The following GRM7 variants were observed in gnomAD, a reference collection of about 807,000 sequenced individuals.
GRM7 encodes the protein glutamate metabotropic receptor 7, also known as metabotropic glutamate receptor 7.
In GRM7, 35 loss-of-function variants were observed where a neutral mutation model predicts 84.5. That is an observed-to-expected ratio of 0.41 (90% CI 0.32 to 0.55). The LOEUF is 0.55. Among genes scored for constraint, GRM7 ranks in the 20% least tolerant of loss-of-function variants. GRM7 has a pLI of 0.19. For synonymous variants in GRM7, 487 were observed against 455.1 expected, an observed-to-expected ratio of 1.07 and a Z score of -0.89; for missense variants, 1,003 against 1,194.6, an observed-to-expected ratio of 0.84 and a Z score of 2.36.
In GRM7 at chr3:7,649,232, G is replaced by A. The variant is rs377005173; in HGVS notation, c.2452-30817G>A. Among the ~76,000 whole-genome samples the A allele has an allele frequency of 3.7e-4, 57 of 152,076 alleles. No homozygotes were observed. The East Asian group carries it at 0.01, about 28-fold the overall frequency. On this transcript the variant is annotated intron_variant, in intron 8 of 9. Coordinates refer to ENST00000357716, the MANE Select transcript of GRM7 (RefSeq NM_000844.4). ...CTACAGGCACCCACTACCACGCCCGGCTAATTTTATGTATTTTTAGTAGAG... is the reference window on the plus strand; with the variant it reads ...CTACAGGCACCCACTACCACGCCCGACTAATTTTATGTATTTTTAGTAGAG...
intron 1 of GRM7, among the ~76,000 whole-genome samples, chr3:6,937,628 G>C (rs1183273725): frequency 6.6e-6 from 1 of 152,208 alleles, no homozygotes; most frequent in African/African-American, 2.4e-5. Context: ...CACTCTTCCT[G>C]AAAGTGGTCA....
At position 7,533,296 on chromosome 3, in the gene GRM7, C is replaced by G. The variant is rs577506872; in HGVS notation, c.1516-45126C>G. ...AAGAACAGAAATCATCACAAACATT[C>G]TCTCAGACCACAGTGCAATCAAATT... On this transcript the variant is annotated intron_variant, in intron 7 of 9. Transcript: ENST00000357716. 3.9e-5 allele frequency among the ~76,000 whole-genome samples: 6 copies of G among 152,314 alleles called. No individual in the cohort carries two copies. In the South Asian group the frequency reaches 1.0e-3, roughly 26 times the overall value.
intron 2 of GRM7, among the ~76,000 whole-genome samples, chr3:7,157,530 C>T (rs2125075704): frequency 6.6e-6 from 1 of 151,406 alleles, no homozygotes; most frequent in African/African-American, 2.4e-5. Context: ...TAACTAGATC[C>T]TCAAAAGAAA....
intron 5 of GRM7, among the ~76,000 whole-genome samples, chr3:7,419,929 T>C (rs1332195866): frequency 1.3e-5 from 2 of 152,206 alleles, no homozygotes; most frequent in Non-Finnish European, 2.9e-5. Context: ...TTTTGATTTG[T>C]GTCCCTAATC....
At chr3:7,675,502 A>G (rs993149375) in intron 8 of GRM7, among the ~76,000 whole-genome samples, 1 of 152,236 alleles carries the variant, frequency 6.6e-6, no homozygotes, top group African/African-American at 2.4e-5. Flanking sequence ...TGATCTTATA[A>G]GGCAATAAAG....
chr3:6,914,765 A>AT (rs1321304103), intron 1 of GRM7, among the ~76,000 whole-genome samples: 4 of 151,936 alleles, frequency 2.6e-5, no homozygotes, highest in Admixed American at 6.6e-5. Context: ...TTTATTAACA[A>AT]TTTTTTTCAG....
intron 1 of GRM7, among the ~76,000 whole-genome samples, chr3:7,145,722 G>A (rs1273542582): frequency 2.0e-5 from 3 of 152,130 alleles, no homozygotes; most frequent in African/African-American, 7.2e-5. Context: ...GTAGAGGTCA[G>A]AGGGTTCCCT....
chr3:7,198,868 T>A (rs1695970760), intron 2 of GRM7, among the ~76,000 whole-genome samples: 1 of 152,118 alleles, frequency 6.6e-6, no homozygotes, highest in South Asian at 2.1e-4. Context: ...CTCAAAAAGT[T>A]TACTCCTCAA....
chr3:7,094,068 C>T (rs1698769449), intron 1 of GRM7, among the ~76,000 whole-genome samples: 1 of 152,022 alleles, frequency 6.6e-6, no homozygotes, highest in Non-Finnish European at 1.5e-5. Context: ...ATCTAGTGGG[C>T]ACCATTCTAG....
At chr3:6,996,835 C>G (rs1326768089) in intron 1 of GRM7, among the ~76,000 whole-genome samples, 1 of 152,154 alleles carries the variant, frequency 6.6e-6, no homozygotes, top group African/African-American at 2.4e-5. Flanking sequence ...TCACCAGAAT[C>G]AAAATCCCTG....
At chr3:6,947,815 C>T in intron 1 of GRM7, among the ~76,000 whole-genome samples, 1 of 152,144 alleles carries the variant, frequency 6.6e-6, no homozygotes, top group Non-Finnish European at 1.5e-5. Flanking sequence ...TTATGCATTT[C>T]TTCTAGATTT....
intron 9 of GRM7, among the ~76,000 whole-genome samples, chr3:7,686,647 C>T (rs985300022): frequency 3.3e-5 from 5 of 152,142 alleles, no homozygotes; most frequent in South Asian, 2.1e-4. Context: ...CTAAGGAACA[C>T]GTTTATGAGT....
chr3:6,988,945 CA>C (rs1385359767), intron 1 of GRM7, among the ~76,000 whole-genome samples: 1 of 152,004 alleles, frequency 6.6e-6, no homozygotes, highest in Non-Finnish European at 1.5e-5. Context: ...GTATTATTGT[CA>C]AAAAAATAAA....
chr3:7,051,425 T>C (rs755658532), intron 1 of GRM7, among the ~76,000 whole-genome samples: 26 of 151,792 alleles, frequency 1.7e-4, no homozygotes, highest in Non-Finnish European at 2.5e-4. Flanking sequence ...GTTGTGAAAC[T>C]GAATCCAAAT....
intron 8 of GRM7, among the ~76,000 whole-genome samples, chr3:7,601,657 C>T (rs3792455): frequency 0.18 from 26,615 of 151,948 alleles, 2,555 homozygotes; most frequent in Middle Eastern, 0.28. Context: ...TGTGTGTGTT[C>T]TCGTGTATAG....
intron 1 of GRM7, among the ~76,000 whole-genome samples, chr3:6,873,530 T>C (rs532055380): frequency 6.6e-6 from 1 of 152,314 alleles, no homozygotes; most frequent in South Asian, 2.1e-4. Flanking sequence ...GGTGAAATAA[T>C]GTTAACAATA....
intron 9 of GRM7, among the ~76,000 whole-genome samples, chr3:7,714,665 G>A (rs1407362134): frequency 6.6e-6 from 1 of 152,156 alleles, no homozygotes; most frequent in Admixed American, 6.5e-5. Flanking sequence ...TGCTGACTTT[G>A]TGTGCATATA....
intron 2 of GRM7, among the ~76,000 whole-genome samples, chr3:7,184,565 A>G (rs1472634675): frequency 1.3e-5 from 2 of 151,424 alleles, no homozygotes; most frequent in Admixed American, 6.6e-5. Flanking sequence ...CTCAACTTGT[A>G]TCCTTTCCTC....
intron 8 of GRM7, among the ~76,000 whole-genome samples, chr3:7,621,559 C>G (rs989452844): frequency 2.0e-5 from 3 of 152,094 alleles, no homozygotes; most frequent in African/African-American, 7.2e-5. Context: ...CTTGTGTATT[C>G]TAAACATGTC....
Sources: allele counts gnomAD v4.1 joint callset (sites outside exome capture counted in the v4.1 genomes callset), GRCh38; gene constraint gnomAD v4.1.1; transcripts MANE v1.5; gene names NCBI Gene and HGNC (gene_info 2026-07-23, HGNC 2026-07-21).